GFRA1: variants seen among roughly 807,000 people sequenced by gnomAD.
GFRA1 encodes GDNF family receptor alpha 1.
A neutral mutation model predicts 51.6 loss-of-function variants in GFRA1; 16 were observed. That is an observed-to-expected ratio of 0.31 (90% CI 0.21 to 0.47). The LOEUF (loss-of-function observed/expected upper bound fraction) is 0.47. Among genes scored for constraint, GFRA1 ranks in the 20% least tolerant of loss-of-function variants. The pLI, the probability that GFRA1 is intolerant of heterozygous loss-of-function variation, is 1.00. For missense variants in GFRA1, 530 were observed against 594.3 expected (o/e 0.89, Z 1.13); for synonymous variants, 270 against 241.3 (o/e 1.12, Z -1.10).
In GFRA1 at chr10:116,064,540, T is replaced by C; in HGVS notation, c.1256A>G (p.Asn419Ser). The change falls in exon 11 of 11, where the codon AAT becomes AGT. Residue 419 changes from asparagine to serine, a missense_variant. Asn to Ser is a conservative substitution (Grantham distance 46). Coordinates refer to ENST00000355422, the MANE Select transcript of GFRA1 (RefSeq NM_005264.8). ...GNTHLCISNG[N>S]YEKEGLGASS... Reference sequence around the variant, plus strand: ...AGCACCGAGACCTTCTTTTTCATAATTACCCTGTAAGGAAGAATGGTTTCA... The same window carrying C: ...AGCACCGAGACCTTCTTTTTCATAACTACCCTGTAAGGAAGAATGGTTTCA... The C allele has an allele frequency of 4.3e-6, 7 of 1,611,994 alleles. No individual in the cohort carries two copies. The highest frequency in any genetic ancestry group is 5.9e-6 in the Non-Finnish European group (7 of 1,178,258).
chr10:116,122,141 A>C (rs1480179247), intron 6 of GFRA1, among the ~76,000 whole-genome samples: 19 of 152,200 alleles, frequency 1.2e-4, no homozygotes, highest in Admixed American at 1.2e-3. Context: ...TATAAAACCC[A>C]TCAATCACAC....
At position 116,272,093 on chromosome 10, in the gene GFRA1, C is replaced by T. The variant is rs574060642; in HGVS notation, c.-64G>A. 4 of 1,363,352 alleles carry T rather than the reference C, an allele frequency of 2.9e-6. No individual in the cohort carries two copies. In the South Asian group the frequency reaches 3.7e-5, roughly 13 times the overall value. The allele number at this position is 1,363,352 out of a possible 1,614,324, so 84.5% of individuals were successfully genotyped here. On this transcript the variant is annotated 5_prime_UTR_variant, in exon 2 of 11. Transcript: ENST00000355422. This position sits in a 1 kb window ranked among gnomAD's most constrained non-coding sequence, Gnocchi z 4.4. ...ATCCCGAGCCGCCGCTGGGTCTTGCCGAGGGAGCTCAGCGTGCAGCGATCC... is the reference window on the plus strand; with the variant it reads ...ATCCCGAGCCGCCGCTGGGTCTTGCTGAGGGAGCTCAGCGTGCAGCGATCC...
At chr10:116,191,391 C>T (rs1183960097) in intron 5 of GFRA1, among the ~76,000 whole-genome samples, 1 of 152,160 alleles carries the variant, frequency 6.6e-6, no homozygotes, top group Non-Finnish European at 1.5e-5. Flanking sequence ...TATAAAGAAA[C>T]TAGATTCTGA....
At chr10:116,171,955 C>T (rs1961071100) in intron 5 of GFRA1, among the ~76,000 whole-genome samples, 1 of 152,140 alleles carries the variant, frequency 6.6e-6, no homozygotes, top group Non-Finnish European at 1.5e-5. Context: ...ATTGCATGCC[C>T]AGCTTGGTGG....
At chr10:116,065,481 G>T (rs1319754137) in intron 10 of GFRA1, 92 bp downstream of exon 10, 2 of 1,012,920 alleles carry the variant, frequency 2.0e-6, no homozygotes, top group African/African-American at 3.2e-5. Context: ...ATACCTTCTT[G>T]TCTTTGAATG....
chr10:116,256,610 C>T (rs1248173349), intron 4 of GFRA1, among the ~76,000 whole-genome samples: 1 of 152,174 alleles, frequency 6.6e-6, no homozygotes, highest in Non-Finnish European at 1.5e-5. Flanking sequence ...CCATCCTCTC[C>T]CCTCAAGCAG....
chr10:116,196,557 ATACTATATATAATATATATAATATATAG>A (rs1963782458), intron 5 of GFRA1, among the ~76,000 whole-genome samples: 1 of 87,374 alleles, frequency 1.1e-5, no homozygotes, highest in Non-Finnish European at 2.2e-5. Context: ...ATTTTTATAT[ATACTATATATAATATATATAATATATAG>A]TACTATATAT....
intron 6 of GFRA1, among the ~76,000 whole-genome samples, chr10:116,105,977 C>T (rs1956991251): frequency 2.0e-5 from 3 of 152,172 alleles, no homozygotes; most frequent in African/African-American, 7.2e-5. Context: ...GAGAGTATCC[C>T]GGATTTTCCC....
At chr10:116,165,618 GTGTC>G (rs1960298436) in intron 5 of GFRA1, among the ~76,000 whole-genome samples, 1 of 150,698 alleles carries the variant, frequency 6.6e-6, no homozygotes. Flanking sequence ...TTCTGCCTTG[GTGTC>G]TCTGTCTCTG....
chr10:116,152,291 G>C (rs145857436), intron 5 of GFRA1, among the ~76,000 whole-genome samples: 13 of 152,168 alleles, frequency 8.5e-5, no homozygotes, highest in Non-Finnish European at 1.3e-4. Flanking sequence ...AGTACCCCAC[G>C]CTGTGGAATC....
intron 4 of GFRA1, among the ~76,000 whole-genome samples, chr10:116,225,557 A>C (rs1422953239): frequency 4.0e-5 from 6 of 148,574 alleles, no homozygotes; most frequent in Non-Finnish European, 7.4e-5. Context: ...AAAAAAAAAA[A>C]AAACTAAAAT....
chr10:116,271,380 C>A (rs1479935604), intron 2 of GFRA1, among the ~76,000 whole-genome samples: 1 of 152,156 alleles, frequency 6.6e-6, no homozygotes, highest in Non-Finnish European at 1.5e-5. Flanking sequence ...CCAGAGCCTG[C>A]GCTGCCCACC....
chr10:116,262,960 A>T (rs1021132523), intron 4 of GFRA1, among the ~76,000 whole-genome samples: 1 of 152,194 alleles, frequency 6.6e-6, no homozygotes, highest in Admixed American at 6.5e-5. Flanking sequence ...ACCCCAGGTG[A>T]TCACCAGCTG....
intron 4 of GFRA1, among the ~76,000 whole-genome samples, chr10:116,216,647 A>G (rs924308974): frequency 2.0e-5 from 3 of 152,224 alleles, no homozygotes; most frequent in Non-Finnish European, 2.9e-5. Context: ...GTTAAATTAT[A>G]TATGAGGGGA....
At chr10:116,100,764 G>A (rs1312205603) in intron 6 of GFRA1, among the ~76,000 whole-genome samples, 1 of 152,194 alleles carries the variant, frequency 6.6e-6, no homozygotes, top group East Asian at 1.9e-4. Flanking sequence ...AATTTGCCAG[G>A]AGGGGAAGGG....
In GFRA1 at chr10:116,064,478, G is replaced by C; in HGVS notation, c.1318C>G (p.Pro440Ala). ...HITTKSMAAP[P>A]SCGLSPLLVL... ...AGCAGTGGGCTCAGACCACAGCTTG[G>C]AGGAGCAGCCATTGATTTTGTGGTT... Residue 440 changes from proline to alanine, a missense_variant, in exon 11 of 11, where the codon CCA (proline) becomes GCA (alanine). Pro to Ala is a conservative substitution (Grantham distance 27). Coordinates refer to ENST00000355422, the MANE Select transcript of GFRA1 (RefSeq NM_005264.8). 1 of 1,613,102 alleles carries C rather than the reference G, an allele frequency of 6.2e-7. No individual in the cohort carries two copies. Among genetic ancestry groups the C allele is most frequent in the Non-Finnish European group, 8.5e-7 (1 of 1,179,374 alleles).
intron 5 of GFRA1, among the ~76,000 whole-genome samples, chr10:116,154,837 C>A (rs1287396055): frequency 6.6e-6 from 1 of 152,162 alleles, no homozygotes; most frequent in African/African-American, 2.4e-5. Context: ...CAGGTCCCGG[C>A]CAGAGTGAGC....
Position 116,270,784 on chromosome 10 carries a change from G to A in GFRA1, c.334+38C>T, listed in dbSNP as rs201490354. ...GACGAAAGGCCCGCCTGCCTTCGGG[G>A]AGGGACACGGGGTGGGGTGGGGAGG... On this transcript the variant is annotated intron_variant, in intron 3 of 10. Coordinates refer to ENST00000355422, the MANE Select transcript of GFRA1 (RefSeq NM_005264.8). 4.3e-5 allele frequency: 67 copies of A among 1,569,400 alleles called. No homozygotes were observed. In the African/African-American group the frequency reaches 7.0e-4, roughly 16 times the overall value.
chr10:116,198,839 T>C (rs1347235963), intron 5 of GFRA1, among the ~76,000 whole-genome samples: 1 of 152,214 alleles, frequency 6.6e-6, no homozygotes, highest in African/African-American at 2.4e-5. Flanking sequence ...CCTCAGCATG[T>C]GACCTTATTT....
Sources: allele counts gnomAD v4.1 joint callset (sites outside exome capture counted in the v4.1 genomes callset), GRCh38; gene constraint gnomAD v4.1.1; non-coding constraint Gnocchi (gnomAD v3.1); transcripts MANE v1.5; gene names NCBI Gene and HGNC (gene_info 2026-07-23, HGNC 2026-07-21).